Variants in CTNNA3 observed in about 807,000 individuals in gnomAD.
CTNNA3 encodes catenin alpha-3.
A neutral mutation model predicts 95.7 loss-of-function variants in CTNNA3; 76 were observed. That is an observed-to-expected ratio of 0.79 (90% confidence interval 0.66 to 0.96). CTNNA3 has a LOEUF of 0.96. CTNNA3 is among the 40% of genes least tolerant of loss of function. CTNNA3 has a pLI of 0.00. For missense variants in CTNNA3, 1,191 were observed against 1,089.8 expected (o/e 1.09, Z -1.31); for synonymous variants, 431 against 374.4 (o/e 1.15, Z -1.74).
chr10:66,632,399 A>C (rs761319871), intron 9 of CTNNA3, among the ~76,000 whole-genome samples: 4 of 151,920 alleles, frequency 2.6e-5, no homozygotes, highest in Non-Finnish European at 5.9e-5. Context: ...ACTAAAAAAT[A>C]CAAAAATTAG....
chr10:67,157,447 A>C (rs1036965119), intron 7 of CTNNA3, among the ~76,000 whole-genome samples: 4 of 152,200 alleles, frequency 2.6e-5, no homozygotes, highest in Non-Finnish European at 5.9e-5. Flanking sequence ...TGGAAGCTAC[A>C]ACCCCTTGAA....
At chr10:67,258,746 A>G (rs1041966075) in intron 5 of CTNNA3, among the ~76,000 whole-genome samples, 1 of 152,172 alleles carries the variant, frequency 6.6e-6, no homozygotes, top group African/African-American at 2.4e-5. Flanking sequence ...CATTGTATCA[A>G]TATGTAATTT....
intron 11 of CTNNA3, among the ~76,000 whole-genome samples, chr10:66,407,971 T>C (rs2093071335): frequency 1.3e-5 from 2 of 152,346 alleles, no homozygotes; most frequent in African/African-American, 4.8e-5. Context: ...ATGCAGAGTT[T>C]GTTCTACAAC....
At chr10:66,966,445 A>G (rs1849414169) in intron 7 of CTNNA3, among the ~76,000 whole-genome samples, 1 of 151,856 alleles carries the variant, frequency 6.6e-6, no homozygotes, top group Admixed American at 6.6e-5. Flanking sequence ...ATCATTTTAA[A>G]GAATTAATAT....
At chr10:66,634,398 G>T (rs1340091891) in intron 9 of CTNNA3, among the ~76,000 whole-genome samples, 1 of 152,062 alleles carries the variant, frequency 6.6e-6, no homozygotes, top group African/African-American at 2.4e-5. Flanking sequence ...TCACAAAAAT[G>T]ATTGAGAATT....
intron 11 of CTNNA3, among the ~76,000 whole-genome samples, chr10:66,430,398 G>A (rs968476686): frequency 7.2e-5 from 11 of 151,998 alleles, no homozygotes; most frequent in African/African-American, 1.2e-4. Context: ...ATTGGAAAAA[G>A]CTACTTTAAA....
chr10:65,988,989 T>C (rs546377959), intron 15 of CTNNA3, among the ~76,000 whole-genome samples, 192 bp from the exon 16 acceptor site: 166 of 152,290 alleles, frequency 1.1e-3, no homozygotes, highest in African/African-American at 3.6e-3. Flanking sequence ...TCGCCAAGCT[T>C]GAGTGCAGTG....
chr10:67,396,956 C>T (rs1359080725), intron 5 of CTNNA3, among the ~76,000 whole-genome samples: 10 of 152,114 alleles, frequency 6.6e-5, no homozygotes, highest in African/African-American at 2.4e-4. Flanking sequence ...TGAGGCCTCC[C>T]CAGCCATTCT....
At chr10:67,111,449 T>C (rs1045405055) in intron 7 of CTNNA3, among the ~76,000 whole-genome samples, 1 of 152,072 alleles carries the variant, frequency 6.6e-6, no homozygotes, top group African/African-American at 2.4e-5. Context: ...GCATTTTTCA[T>C]AAAAACAGCT....
At chr10:66,777,821 AGT>A (rs1240127203) in intron 7 of CTNNA3, among the ~76,000 whole-genome samples, 1 of 150,878 alleles carries the variant, frequency 6.6e-6, no homozygotes, top group Non-Finnish European at 1.5e-5. Context: ...ACACACACAC[AGT>A]ATCAGGAATA....
At chr10:67,309,715 C>T (rs1257120520) in intron 5 of CTNNA3, among the ~76,000 whole-genome samples, 4 of 152,044 alleles carry the variant, frequency 2.6e-5, no homozygotes, top group Admixed American at 2.0e-4. Context: ...GATCAATATA[C>T]CACAATTATA....
chr10:66,929,527 G>C (rs1847253315), intron 7 of CTNNA3, among the ~76,000 whole-genome samples: 2 of 152,126 alleles, frequency 1.3e-5, no homozygotes, highest in African/African-American at 4.8e-5. Context: ...TGTGTAAAGA[G>C]AACACATTCC....
chr10:66,565,221 G>A (rs1164130990), intron 10 of CTNNA3, among the ~76,000 whole-genome samples: 1 of 152,130 alleles, frequency 6.6e-6, no homozygotes, highest in Non-Finnish European at 1.5e-5. Flanking sequence ...TCACCAATTT[G>A]TTGTTAGGTA....
intron 11 of CTNNA3, among the ~76,000 whole-genome samples, chr10:66,503,240 CAG>C (rs1404762538): frequency 5.3e-5 from 8 of 152,140 alleles, no homozygotes; most frequent in Non-Finnish European, 1.5e-5. Context: ...TCTAAGGATG[CAG>C]AGAGTTTTGT....
At chr10:67,357,357 T>A (rs1382594052) in intron 5 of CTNNA3, among the ~76,000 whole-genome samples, 1 of 152,078 alleles carries the variant, frequency 6.6e-6, no homozygotes, top group East Asian at 1.9e-4. Context: ...AAAAAAATAC[T>A]ATAAACAATA....
chr10:67,523,245 C>T (rs538887998), intron 4 of CTNNA3, among the ~76,000 whole-genome samples: 137 of 152,226 alleles, frequency 9.0e-4, no homozygotes, highest in Non-Finnish European at 1.5e-3. Flanking sequence ...ATGCACAAAG[C>T]ACTATGAATA....
intron 5 of CTNNA3, among the ~76,000 whole-genome samples, chr10:67,229,852 C>T (rs887357776): frequency 6.6e-6 from 1 of 152,190 alleles, no homozygotes; most frequent in Non-Finnish European, 1.5e-5. Context: ...ACATCCCATG[C>T]TCATGGATGG....
chr10:67,149,761 C>T (rs1209762785), intron 7 of CTNNA3, among the ~76,000 whole-genome samples: 2 of 152,152 alleles, frequency 1.3e-5, no homozygotes, highest in Non-Finnish European at 2.9e-5. Flanking sequence ...AAATGCATAG[C>T]TCAGTGCCTG....
chr10:67,514,519 A>AT (rs960229741), intron 5 of CTNNA3, among the ~76,000 whole-genome samples: 21 of 150,790 alleles, frequency 1.4e-4, no homozygotes, highest in Admixed American at 4.6e-4. Flanking sequence ...TAACTTGTCT[A>AT]TTTTTTTTTA....
Sources: gnomAD v4.1 joint callset for allele counts (sites outside exome capture counted in the v4.1 genomes callset) on GRCh38, gnomAD v4.1.1 for gene constraint, MANE v1.5 for transcripts, NCBI Gene and HGNC (gene_info 2026-07-23, HGNC 2026-07-21) for gene names.